CFAP46: variants seen among roughly 807,000 people sequenced by gnomAD.
The protein encoded by CFAP46 is cilia- and flagella-associated protein 46.
CFAP46 carries 245 observed loss-of-function variants against 325.7 expected under a neutral mutation model. That is an observed-to-expected ratio of 0.75 (90% confidence interval 0.68 to 0.84). The LOEUF (loss-of-function observed/expected upper bound fraction) is 0.84. CFAP46 is among the 40% of genes least tolerant of loss of function. The pLI is 0.00. For missense variants in CFAP46, 3,346 were observed against 3,543.0 expected (o/e 0.94, Z 1.41); for synonymous variants, 1,523 against 1,495.9 (o/e 1.02, Z -0.42).
Position 132,816,182 on chromosome 10 carries a change from G to A in CFAP46, c.7118-1268C>T, listed in dbSNP as rs566431034. 1.1e-3 allele frequency among the ~76,000 whole-genome samples: 165 copies of A among 151,886 alleles called. No individual in the cohort carries two copies. The Middle Eastern group carries it at 0.014, about 13-fold the overall frequency. On this transcript the variant is annotated intron_variant, in intron 50 of 57. Transcript: ENST00000368586. ...TCGGGGACTTCCGGGTTCTCCTGTC[G>A]CTGCTGGTGCGTCGTTAGCGCTGTG...
intron 50 of CFAP46, among the ~76,000 whole-genome samples, chr10:132,826,295 C>A (rs1391552580): frequency 8.2e-6 from 1 of 122,630 alleles, no homozygotes; most frequent in African/African-American, 3.5e-5. Context: ...CGCAGAGACC[C>A]ACCACAGAGC....
chr10:132,905,529 G>A (rs575381592), intron 22 of CFAP46, among the ~76,000 whole-genome samples: 1 of 151,152 alleles, frequency 6.6e-6, no homozygotes, highest in Non-Finnish European at 1.5e-5. Flanking sequence ...TGGTGTATGG[G>A]AAGTACACTC....
rs542866377 is a variant in CFAP46, at chr10:132,876,258, C to T, written c.4362+554G>A. Reference sequence around the variant, plus strand: ...GGCACGGCAGTGAACTGAATGACCACTATGGAGGGCAGCATGGCAGCGTGG... The same window carrying T: ...GGCACGGCAGTGAACTGAATGACCATTATGGAGGGCAGCATGGCAGCGTGG... On this transcript the variant is annotated intron_variant, in intron 31 of 57. Coordinates refer to ENST00000368586, the MANE Select transcript of CFAP46 (RefSeq NM_001200049.3). The surrounding 1 kb of genome is among the most constrained non-coding windows in gnomAD (Gnocchi z 4.1). Among the ~76,000 whole-genome samples the T allele has an allele frequency of 6.6e-6, 1 of 152,270 alleles. No individual in the cohort carries two copies. Among genetic ancestry groups the T allele is most frequent in the Admixed American group, 6.5e-5 (1 of 15,292 alleles).
Position 132,885,298 on chromosome 10 carries a change from G to A in CFAP46, c.3444-12C>T. ...GCTTGAAGATCAAGCTAAAGAAAGG[G>A]AAGGTGAGAAACCAACGTCAGGATC... is the stretch of plus-strand genomic sequence containing the variant. On this transcript the variant is annotated splice_polypyrimidine_tract_variant and intron_variant, in intron 26 of 57. Transcript: ENST00000368586. 2 of 1,537,878 alleles carry A rather than the reference G, an allele frequency of 1.3e-6. No individual in the cohort carries two copies. Among genetic ancestry groups the A allele is most frequent in the Non-Finnish European group, 8.8e-7 (1 of 1,137,730 alleles).
chr10:132,832,398 C>CCCCG lies in CFAP46; in HGVS notation c.7117+959_7117+960insCGGG, dbSNP rs899709488. Among the ~76,000 whole-genome samples the CCCCG allele has an allele frequency of 0.011, 1,442 of 132,930 alleles. 45 individuals carry two copies. Among genetic ancestry groups the CCCCG allele is most frequent in the Non-Finnish European group, 0.018 (1,120 of 61,370 alleles). 87.2% of individuals were successfully genotyped at this position (132,930 alleles called of 152,430 possible). Reference sequence around the variant, plus strand: ...CCCTGGGCTCTTCCTGCCCCCCCCCCCCAATGCTGTGGCCTGGAAATTCCC... The same window carrying CCCCG: ...CCCTGGGCTCTTCCTGCCCCCCCCCCCCCGCCAATGCTGTGGCCTGGAAATTCCC... On this transcript the variant is annotated intron_variant, in intron 50 of 57. Coordinates refer to ENST00000368586, the MANE Select transcript of CFAP46 (RefSeq NM_001200049.3). The surrounding 1 kb of genome is among the most constrained non-coding windows in gnomAD (Gnocchi z 4.1).
At chr10:132,885,041 C>T (rs551922844) in intron 27 of CFAP46, 62 bp downstream of exon 27, 50 of 1,482,176 alleles carry the variant, frequency 3.4e-5, no homozygotes, top group African/African-American at 2.8e-5. Flanking sequence ...TCTGTCCACA[C>T]GGTTCTCCCT....
intron 44 of CFAP46, among the ~76,000 whole-genome samples, chr10:132,844,810 C>A (rs1410930032): frequency 6.6e-6 from 1 of 152,220 alleles, no homozygotes. Context: ...AGCCTGGCTG[C>A]TTGCTCCTCA....
intron 34 of CFAP46, among the ~76,000 whole-genome samples, chr10:132,867,082 C>T (rs1848824459): frequency 6.6e-6 from 1 of 152,114 alleles, no homozygotes; most frequent in Non-Finnish European, 1.5e-5. Context: ...GGAAGCCCCT[C>T]GCACACTGAC....
intron 22 of CFAP46, among the ~76,000 whole-genome samples, chr10:132,901,523 C>T (rs1417761461): frequency 3.9e-5 from 6 of 152,236 alleles, no homozygotes; most frequent in Non-Finnish European, 7.3e-5. Context: ...TCCTACTCCA[C>T]GTCACGTGTG....
intron 50 of CFAP46, among the ~76,000 whole-genome samples, chr10:132,819,602 T>C (rs907083570): frequency 2.6e-5 from 4 of 152,214 alleles, no homozygotes; most frequent in Non-Finnish European, 4.4e-5. Context: ...TCAGGGTCAA[T>C]TGATATTTGA....
At chr10:132,860,153 G>A (rs1848702017) in intron 37 of CFAP46, among the ~76,000 whole-genome samples, 3 of 152,198 alleles carry the variant, frequency 2.0e-5, no homozygotes, top group Non-Finnish European at 2.9e-5. Flanking sequence ...GGTTTCCCAG[G>A]CCCTTCCCAA....
chr10:132,834,900 G>T, intron 47 of CFAP46, 125 bp from the exon 48 acceptor site: 5 of 1,350,668 alleles, frequency 3.7e-6, no homozygotes, highest in Non-Finnish European at 4.9e-6. Context: ...GTGGACAAGG[G>T]CACCTGGCTC....
intron 50 of CFAP46, among the ~76,000 whole-genome samples, chr10:132,818,978 T>C (rs927967688): frequency 6.6e-6 from 1 of 151,884 alleles, no homozygotes; most frequent in Non-Finnish European, 1.5e-5. Flanking sequence ...ACCAAAAAAC[T>C]GTTAGAACTA....
intron 34 of CFAP46, 142 bp downstream of exon 34, chr10:132,867,233 C>T (rs370917691): frequency 1.1e-6 from 1 of 925,602 alleles, no homozygotes; most frequent in Non-Finnish European, 1.6e-6. Context: ...GCCCCTCACA[C>T]ACTGACACAC....
At chr10:132,836,645 CT>C (rs1462257132) in intron 45 of CFAP46, among the ~76,000 whole-genome samples, 171 bp downstream of exon 45, 1 of 146,798 alleles carries the variant, frequency 6.8e-6, no homozygotes, top group Non-Finnish European at 1.5e-5. Flanking sequence ...GCCCCCCCCC[CT>C]TGGGGTACCC....
chr10:132,835,205 T>C (rs1039772226), intron 47 of CFAP46, 99 bp downstream of exon 47: 1 of 1,502,510 alleles, frequency 6.7e-7, no homozygotes, highest in South Asian at 1.3e-5. Context: ...CAGCCTGGCC[T>C]AGCGCCCCGC....
chr10:132,833,565 G>A (rs766255845), intron 49 of CFAP46, 40 bp from the exon 50 acceptor site: 14 of 1,589,086 alleles, frequency 8.8e-6, no homozygotes, highest in Admixed American at 3.4e-5. Flanking sequence ...TCCTGAAGAC[G>A]GGACCCCTCC....
At chr10:132,834,388 G>A (rs1208075405) in intron 48 of CFAP46, among the ~76,000 whole-genome samples, 2 of 152,312 alleles carry the variant, frequency 1.3e-5, no homozygotes, top group Middle Eastern at 3.4e-3. Flanking sequence ...AGCCCGGGCG[G>A]TCCCTTGGAG....
intron 43 of CFAP46, 70 bp downstream of exon 43, chr10:132,846,862 C>T (rs1041173088): frequency 6.6e-7 from 1 of 1,509,434 alleles, no homozygotes; most frequent in South Asian, 1.3e-5. Flanking sequence ...GGCGAGGGCC[C>T]CAGCTGAAGC....
Sources: allele counts gnomAD v4.1 joint callset (sites outside exome capture counted in the v4.1 genomes callset), GRCh38; gene constraint gnomAD v4.1.1; non-coding constraint Gnocchi (gnomAD v3.1); transcripts MANE v1.5; gene names NCBI Gene and HGNC (gene_info 2026-07-23, HGNC 2026-07-21).